The following VPS13C variants were observed in gnomAD, a reference collection of about 807,000 sequenced individuals.
VPS13C encodes the protein intermembrane lipid transfer protein VPS13C.
VPS13C carries 358 observed loss-of-function variants against 456.8 expected under a neutral mutation model. The observed-to-expected ratio is 0.78, with a 90% confidence interval of 0.72 to 0.86. The LOEUF is 0.86. VPS13C is among the 40% of genes least tolerant of loss of function. The pLI is 0.00. For synonymous variants in VPS13C, 1,578 were observed against 1,486.7 expected (o/e 1.06, Z -1.41); for missense variants, 4,818 against 4,385.4 (o/e 1.10, Z -2.79).
chr15:61,994,594 CTTT>C (rs61199977), intron 16 of VPS13C, among the ~76,000 whole-genome samples: 1 of 145,290 alleles, frequency 6.9e-6, no homozygotes. Flanking sequence ...ATTCAGCTAT[CTTT>C]TTTTTTTTTT....
chr15:61,872,243 T>A (rs528693967), intron 78 of VPS13C, among the ~76,000 whole-genome samples: 2 of 152,268 alleles, frequency 1.3e-5, no homozygotes. Context: ...AATGAAAGCA[T>A]TTTATAAATT....
intron 18 of VPS13C, among the ~76,000 whole-genome samples, chr15:61,990,248 A>G (rs1408508874): frequency 6.6e-6 from 1 of 152,204 alleles, no homozygotes; most frequent in Non-Finnish European, 1.5e-5. Flanking sequence ...TCAAGGTAAC[A>G]GTTACCTTTG....
At chr15:61,881,654 T>A in intron 70 of VPS13C, 22 bp from the exon 71 acceptor site, 2 of 1,595,138 alleles carry the variant, frequency 1.3e-6, no homozygotes, top group Non-Finnish European at 1.7e-6. Context: ...AAGTAACACA[T>A]AAAAAAAAAT....
intron 16 of VPS13C, among the ~76,000 whole-genome samples, chr15:61,993,323 T>C (rs995530550): frequency 6.6e-6 from 1 of 152,028 alleles, no homozygotes; most frequent in Non-Finnish European, 1.5e-5. Flanking sequence ...TTAGCTACCA[T>C]AAAAATTATT....
At chr15:61,916,519 T>G (rs2043477087) in intron 60 of VPS13C, among the ~76,000 whole-genome samples, 1 of 152,184 alleles carries the variant, frequency 6.6e-6, no homozygotes, top group Non-Finnish European at 1.5e-5. Context: ...TAATAACATA[T>G]AAACCATGTT....
At chr15:62,050,903 A>G (rs1479524331) in intron 1 of VPS13C, among the ~76,000 whole-genome samples, 5 of 152,024 alleles carry the variant, frequency 3.3e-5, no homozygotes, top group African/African-American at 1.2e-4. Flanking sequence ...GAAGTAAATT[A>G]GCAAATGACA....
intron 43 of VPS13C, among the ~76,000 whole-genome samples, 172 bp from the exon 44 acceptor site, chr15:61,946,582 A>G (rs1312966140): frequency 6.6e-6 from 1 of 151,808 alleles, no homozygotes; most frequent in Non-Finnish European, 1.5e-5. Flanking sequence ...AGGTAATAAT[A>G]CCTTTAAATA....
In VPS13C at chr15:61,867,933, T is replaced by A; in HGVS notation, c.10863+726A>T. 1 of 1,604,206 alleles carries A rather than the reference T, an allele frequency of 6.2e-7. No individual in the cohort carries two copies. The highest frequency in any genetic ancestry group is 8.5e-7 in the Non-Finnish European group (1 of 1,172,492). ...GTAGTTTAGGAAACATTTATTCCTG[T>A]ATTTCCAGTTCTTGCTGTGCAGGCA... On this transcript the variant is annotated intron_variant, in intron 81 of 84. Transcript: ENST00000644861. This position sits in a 1 kb window ranked among gnomAD's most constrained non-coding sequence, Gnocchi z 5.0.
chr15:61,907,172 G>C (rs2043174368), intron 66 of VPS13C, 92 bp downstream of exon 66: 1 of 1,582,996 alleles, frequency 6.3e-7, no homozygotes, highest in East Asian at 2.2e-5. Context: ...TTCACTTTTA[G>C]TTCAATTAGG....
In VPS13C at chr15:61,916,021, C is replaced by G. The variant is rs750355442; in HGVS notation, c.8057G>C (p.Gly2686Ala). The G allele has an allele frequency of 1.3e-6, 2 of 1,542,328 alleles. No homozygotes were observed. Among genetic ancestry groups the G allele is most frequent in the Non-Finnish European group, 1.7e-6 (2 of 1,145,072 alleles). Residue 2686 changes from glycine (G) to alanine (A), a missense_variant and splice_region_variant, in exon 61 of 85, where the codon GGA becomes GCA. Around this residue, in one of 3 missense-constraint regions of VPS13C, gnomAD observed 4,552 missense variants for 4,130.6 expected, o/e 1.10. Transcript: ENST00000644861. ...LPYSLRYLLE[G>A]TAETHELAEG... ...TGCCAGCTCATGAGTTTCTGCTGTT[C>G]CCTAAAAACAAACAAAAATTCGCTG...
intron 39 of VPS13C, 136 bp from the exon 40 acceptor site, chr15:61,951,160 G>A: frequency 5.7e-6 from 3 of 523,066 alleles, no homozygotes; most frequent in South Asian, 4.2e-5. Flanking sequence ...AGTATGTTCT[G>A]TATAAATCTT....
intron 24 of VPS13C, among the ~76,000 whole-genome samples, chr15:61,976,178 G>C (rs2045697091): frequency 6.6e-6 from 1 of 151,924 alleles, no homozygotes; most frequent in African/African-American, 2.4e-5. Flanking sequence ...CTTTGGATTA[G>C]GGATGTTCAT....
At chr15:61,995,588 G>C (rs1383436006) in intron 16 of VPS13C, among the ~76,000 whole-genome samples, 2 of 152,102 alleles carry the variant, frequency 1.3e-5, no homozygotes, top group African/African-American at 4.8e-5. Context: ...CCATGTTATG[G>C]TTGTCTATGT....
intron 59 of VPS13C, among the ~76,000 whole-genome samples, chr15:61,917,857 AC>A (rs2043523430): frequency 6.6e-6 from 1 of 152,144 alleles, no homozygotes; most frequent in Non-Finnish European, 1.5e-5. Flanking sequence ...CAAACAAAAA[AC>A]AACTCTGTAA....
At chr15:61,875,920 A>AT in intron 75 of VPS13C, 75 bp from the exon 76 acceptor site, 1 of 989,496 alleles carries the variant, frequency 1.0e-6, no homozygotes, top group Non-Finnish European at 1.5e-6. Flanking sequence ...AGAAAAAAAG[A>AT]GATTTACTGA....
At chr15:62,013,161 G>C (rs1443777828) in intron 10 of VPS13C, 42 bp from the exon 11 acceptor site, 1 of 1,403,828 alleles carries the variant, frequency 7.1e-7, no homozygotes, top group African/African-American at 1.4e-5. Flanking sequence ...TCAACACACT[G>C]AAATTATGAA....
rs2140583652 is a variant in VPS13C at position 62,023,633 on chromosome 15, TC to T, written c.515-114del. The stretch of plus-strand genomic sequence containing the variant: ...TCAATGGAAATTACAGCCAATAGTG[TC>T]TTTATTTATATTTTAATATGCATTT... On this transcript the variant is annotated intron_variant, in intron 7 of 84. Coordinates refer to ENST00000644861, the MANE Select transcript of VPS13C (RefSeq NM_020821.3). The T allele has an allele frequency of 2.7e-6, 3 of 1,097,264 alleles. No individual in the cohort carries two copies. In the East Asian group the frequency reaches 7.7e-5, roughly 28 times the overall value. The allele number at this position is 1,097,264 out of a possible 1,614,324, so 68.0% of individuals were successfully genotyped here. A position where few individuals can be genotyped will look rare whatever the true frequency, so the allele number is the denominator to read the frequency against.
rs186593262 is a variant in VPS13C, at chr15:61,943,214, A to G, written c.5149-1147T>C. Among the ~76,000 whole-genome samples the G allele has an allele frequency of 1.5e-4, 23 of 152,316 alleles. 1 individual carries two copies. In the East Asian group the frequency reaches 2.1e-3, roughly 14 times the overall value. ...CTTCTCAAAGCAATCTATAGATTCA[A>G]TGTTATTCCTATCAAATGACCAGTG... On this transcript the variant is annotated intron_variant, in intron 45 of 84. Transcript: ENST00000644861.
intron 5 of VPS13C, among the ~76,000 whole-genome samples, chr15:62,031,033 C>T (rs1480962717): frequency 6.6e-6 from 1 of 151,982 alleles, no homozygotes; most frequent in East Asian, 1.9e-4. Context: ...TTATGATAGC[C>T]TTCCAGAAAA....
Sources: gnomAD v4.1 joint callset for allele counts (sites outside exome capture counted in the v4.1 genomes callset) on GRCh38, gnomAD v4.1.1 for gene constraint, gnomAD v4.1.1 regional missense constraint, Gnocchi (gnomAD v3.1) non-coding constraint, MANE v1.5 for transcripts, NCBI Gene and HGNC (gene_info 2026-07-23, HGNC 2026-07-21) for gene names.